Variants in PARP8 observed in about 807,000 individuals in gnomAD.
PARP8 encodes the protein poly(ADP-ribose) polymerase family member 8, also known as protein mono-ADP-ribosyltransferase PARP8.
PARP8 carries 51 observed loss-of-function variants against 124.1 expected under a neutral mutation model. The ratio of observed to expected loss-of-function variants is 0.41; its 90% CI spans 0.33 to 0.52. The LOEUF (loss-of-function observed/expected upper bound fraction) is 0.52. PARP8 is among the 20% of genes least tolerant of loss of function. The probability of loss-of-function intolerance (pLI) is 0.21; values close to 1 mark genes in which losing one functional copy is unlikely to be tolerated. For synonymous variants in PARP8, 391 were observed against 361.5 expected, an observed-to-expected ratio of 1.08 and a Z score of -0.93; for missense variants, 860 against 1,018.9, an observed-to-expected ratio of 0.84 and a Z score of 2.12.
chr5:50,739,733 T>TATATATATATATA (rs35820541), intron 2 of PARP8, among the ~76,000 whole-genome samples: 1 of 28,898 alleles, frequency 3.5e-5, no homozygotes, highest in African/African-American at 8.3e-5. Context: ...TATATATATA[T>TATATATATATATA]TTTTTTTTTT....
At chr5:50,715,923 T>A (rs1483936035) in intron 2 of PARP8, among the ~76,000 whole-genome samples, 5 of 152,112 alleles carry the variant, frequency 3.3e-5, no homozygotes, top group African/African-American at 1.2e-4. Context: ...GGATCCTTAT[T>A]TGAAGTGTTC....
chr5:50,840,567 G>A (rs191438133), intron 25 of PARP8, among the ~76,000 whole-genome samples: 3 of 151,958 alleles, frequency 2.0e-5, no homozygotes, highest in Non-Finnish European at 2.9e-5. Context: ...AAGTTATATA[G>A]AGAGAAAAAT....
Position 50,842,145 on chromosome 5 carries a change from A to G in PARP8, c.*77A>G. 6.2e-6 allele frequency: 6 copies of G among 972,868 alleles called. No homozygotes were observed. The highest frequency in any genetic ancestry group is 2.8e-5 in the East Asian group (1 of 35,980). 60.3% of individuals were successfully genotyped at this position (972,868 alleles called of 1,614,324 possible). A position where few individuals can be genotyped will look rare whatever the true frequency, so the allele number is the denominator to read the frequency against. ...TGGATTTTGAACTGAAGAAGATTAT[A>G]AAATTATTTATTGTTATTATAAACA... On this transcript the variant is annotated 3_prime_UTR_variant, in exon 26 of 26. Transcript: ENST00000281631.
chr5:50,721,193 A>G (rs1388777376), intron 2 of PARP8, among the ~76,000 whole-genome samples: 1 of 151,866 alleles, frequency 6.6e-6, no homozygotes, highest in Non-Finnish European at 1.5e-5. Flanking sequence ...CAATGGCAGC[A>G]TTCCTGATCT....
At chr5:50,811,887 C>T (rs1465484420) in intron 14 of PARP8, among the ~76,000 whole-genome samples, 5 of 152,094 alleles carry the variant, frequency 3.3e-5, no homozygotes, top group African/African-American at 4.8e-5. Context: ...TGATTTCCAG[C>T]TTCATCCATG....
At chr5:50,841,886 G>A (rs910344124) in intron 25 of PARP8, 80 bp from the exon 26 acceptor site, 8 of 932,356 alleles carry the variant, frequency 8.6e-6, no homozygotes, top group Non-Finnish European at 1.3e-5. Flanking sequence ...TATATTTTAG[G>A]TATCAAATAG....
At chr5:50,791,490 A>T (rs1207161407) in intron 10 of PARP8, among the ~76,000 whole-genome samples, 1 of 152,190 alleles carries the variant, frequency 6.6e-6, no homozygotes, top group African/African-American at 2.4e-5. Context: ...TTTGCTTGAG[A>T]TGAGACATGG....
chr5:50,693,253 C>G (rs1752681805), intron 2 of PARP8, among the ~76,000 whole-genome samples: 1 of 152,192 alleles, frequency 6.6e-6, no homozygotes, highest in Non-Finnish European at 1.5e-5. Context: ...GCTACTATGG[C>G]TCAGCCTTTT....
At chr5:50,803,386 G>A (rs996339427) in intron 14 of PARP8, among the ~76,000 whole-genome samples, 1 of 151,916 alleles carries the variant, frequency 6.6e-6, no homozygotes, top group Non-Finnish European at 1.5e-5. Flanking sequence ...AATTTGAGAT[G>A]TTTTAAGCCA....
chr5:50,782,769 A>G (rs1351322206), intron 9 of PARP8, among the ~76,000 whole-genome samples: 1 of 152,186 alleles, frequency 6.6e-6, no homozygotes, highest in Admixed American at 6.5e-5. Flanking sequence ...ATCAGTTAGA[A>G]TCCAATCAGA....
At chr5:50,778,498 T>C (rs1486459074) in intron 8 of PARP8, 62 bp from the exon 9 acceptor site, 2 of 1,268,988 alleles carry the variant, frequency 1.6e-6, no homozygotes, top group Non-Finnish European at 2.2e-6. Flanking sequence ...AGTTTGTGTG[T>C]TTTTTTTTTC....
chr5:50,684,617 C>G (rs1751657577), intron 2 of PARP8, among the ~76,000 whole-genome samples: 1 of 152,086 alleles, frequency 6.6e-6, no homozygotes, highest in Admixed American at 6.6e-5. Flanking sequence ...TCACATGAGC[C>G]TGTCAGAGAA....
At chr5:50,789,384 A>T (rs1332859121) in intron 10 of PARP8, among the ~76,000 whole-genome samples, 1 of 152,192 alleles carries the variant, frequency 6.6e-6, no homozygotes, top group East Asian at 1.9e-4. Context: ...CTAAAATCAG[A>T]AGATCACTGA....
chr5:50,714,166 T>C (rs1755063297), intron 2 of PARP8, among the ~76,000 whole-genome samples: 1 of 151,494 alleles, frequency 6.6e-6, no homozygotes, highest in Non-Finnish European at 1.5e-5. Context: ...GAAGAATGCC[T>C]AACCCATGTT....
intron 2 of PARP8, chr5:50,668,443 C>G (rs1478844148): frequency 6.5e-6 from 2 of 309,422 alleles, no homozygotes; most frequent in African/African-American, 2.1e-5. Context: ...AACTGGAATA[C>G]TGGATATGAA....
chr5:50,677,500 C>T (rs1438859711), intron 2 of PARP8, among the ~76,000 whole-genome samples: 1 of 152,024 alleles, frequency 6.6e-6, no homozygotes, highest in Non-Finnish European at 1.5e-5. Flanking sequence ...AGCAGTCCAT[C>T]GTTATGGGAA....
At chr5:50,810,432 C>A (rs111771146) in intron 14 of PARP8, among the ~76,000 whole-genome samples, 3 of 151,946 alleles carry the variant, frequency 2.0e-5, no homozygotes, top group Non-Finnish European at 4.4e-5. Flanking sequence ...TGACTATGTG[C>A]GTTTTGAATT....
chr5:50,687,665 T>A (rs1752017148), intron 2 of PARP8, among the ~76,000 whole-genome samples: 1 of 152,172 alleles, frequency 6.6e-6, no homozygotes, highest in Non-Finnish European at 1.5e-5. Flanking sequence ...CTCACAGTCA[T>A]GGCAGAAGGC....
chr5:50,816,567 G>T (rs1278932316), intron 15 of PARP8, among the ~76,000 whole-genome samples: 2 of 152,160 alleles, frequency 1.3e-5, no homozygotes, highest in South Asian at 2.1e-4. Context: ...TCCACCTGAT[G>T]AAATATTTAG....
Sources: allele counts gnomAD v4.1 joint callset (sites outside exome capture counted in the v4.1 genomes callset), GRCh38; gene constraint gnomAD v4.1.1; transcripts MANE v1.5; gene names NCBI Gene and HGNC (gene_info 2026-07-23, HGNC 2026-07-21).